CHN2: variants seen among roughly 807,000 people sequenced by gnomAD.
The protein encoded by CHN2 is chimerin 2.
Under a neutral mutation model 56.3 loss-of-function variants are expected in CHN2, and 35 were observed. That is an observed-to-expected ratio of 0.62 (90% confidence interval 0.47 to 0.82). CHN2 has a LOEUF of 0.82. Among genes scored for constraint, CHN2 ranks in the 40% least tolerant of loss-of-function variants. CHN2 has a pLI of 0.00. For missense variants in CHN2, 491 were observed against 580.5 expected, an observed-to-expected ratio of 0.85 and a Z score of 1.58; for synonymous variants, 210 against 212.8, an observed-to-expected ratio of 0.99 and a Z score of 0.12.
chr7:29,357,539 T>C (rs1432941450), intron 2 of CHN2, among the ~76,000 whole-genome samples: 2 of 152,226 alleles, frequency 1.3e-5, no homozygotes, highest in Non-Finnish European at 2.9e-5. Flanking sequence ...GAATAAGTGT[T>C]AGAAATCAAC....
At position 29,478,965 on chromosome 7, in the gene CHN2, G is replaced by A. The variant is rs150835015; in HGVS notation, c.577-1314G>A. Among the ~76,000 whole-genome samples the A allele has an allele frequency of 4.6e-3, 706 of 152,302 alleles. 5 individuals are homozygous for A. The highest frequency in any genetic ancestry group is 0.016 in the African/African-American group (678 of 41,564). On this transcript the variant is annotated intron_variant, in intron 6 of 12. Transcript: ENST00000222792. ...GTTACTCTTCACAAGGCTGCTTGGA[G>A]GGACTGCAGCATGGGGCCCTTGTTT... is the stretch of plus-strand genomic sequence containing the variant.
At chr7:29,349,288 G>A (rs1302782961) in intron 1 of CHN2, among the ~76,000 whole-genome samples, 1 of 152,018 alleles carries the variant, frequency 6.6e-6, no homozygotes, top group Non-Finnish European at 1.5e-5. Flanking sequence ...GTGATTTTTT[G>A]TTTACAGATT....
At chr7:29,417,713 A>G (rs867571741) in intron 6 of CHN2, among the ~76,000 whole-genome samples, 1 of 152,206 alleles carries the variant, frequency 6.6e-6, no homozygotes, top group South Asian at 2.1e-4. Flanking sequence ...TGGTAAGAAT[A>G]ACACAGTTTG....
At position 29,263,545 on chromosome 7, in the gene CHN2, G is replaced by A. The variant is rs1010130441; in HGVS notation, c.49+68555G>A. 3.3e-5 allele frequency among the ~76,000 whole-genome samples: 5 copies of A among 151,510 alleles called. No homozygotes were observed. The East Asian group carries it at 9.7e-4, about 30-fold the overall frequency. The stretch of plus-strand genomic sequence containing the variant: ...GGCCGCCCAGTCCGGGAAGTGAGGA[G>A]CGCCTCTTTCCAGCCGCCACCCTGT... On this transcript the variant is annotated intron_variant, in intron 1 of 12. Coordinates refer to ENST00000222792, the MANE Select transcript of CHN2 (RefSeq NM_004067.4).
intron 6 of CHN2, among the ~76,000 whole-genome samples, chr7:29,449,377 T>G (rs1784245810): frequency 6.6e-6 from 1 of 152,188 alleles, no homozygotes; most frequent in South Asian, 2.1e-4. Context: ...GGTGGGAGAC[T>G]AATAAGTCAG....
rs541654867 is a variant in CHN2, at chr7:29,448,727, CCTT to C, written c.577-31549_577-31547del. Among the ~76,000 whole-genome samples, 514 of 152,314 alleles carry C rather than the reference CCTT, an allele frequency of 3.4e-3. 3 individuals are homozygous for C. The highest frequency in any genetic ancestry group is 0.012 in the African/African-American group (493 of 41,564). On this transcript the variant is annotated intron_variant, in intron 6 of 12. Transcript: ENST00000222792. ...GCTTTTTCTCACTGTTTGGCTATCT[CCTT>C]CTCATCCTTAAGGTCTCAGAGGAGT... is the stretch of plus-strand genomic sequence containing the variant.
chr7:29,413,236 A>T (rs907416973), intron 6 of CHN2, among the ~76,000 whole-genome samples: 3 of 152,216 alleles, frequency 2.0e-5, no homozygotes, highest in Non-Finnish European at 2.9e-5. Flanking sequence ...AAGTTTACAC[A>T]TGCAACTTTG....
At position 29,362,462 on chromosome 7, in the gene CHN2, A is replaced by G. The variant is rs140301711; in HGVS notation, c.89-5470A>G. Among the ~76,000 whole-genome samples the G allele has an allele frequency of 2.4e-3, 373 of 152,318 alleles. 1 individual carries two copies. Among genetic ancestry groups the G allele is most frequent in the African/African-American group, 8.3e-3 (347 of 41,572 alleles). On this transcript the variant is annotated intron_variant, in intron 2 of 12. Transcript: ENST00000222792. ...CTGAATAACCTTATCCCTATTACCA[A>G]TATTTTAAAACAGAGTAGATCATGG...
At chr7:29,225,551 A>C (rs1017504279) in intron 1 of CHN2, among the ~76,000 whole-genome samples, 1 of 152,126 alleles carries the variant, frequency 6.6e-6, no homozygotes, top group Non-Finnish European at 1.5e-5. Flanking sequence ...TTATCTCCAA[A>C]TATTTGTTTT....
chr7:29,197,971 G>A, intron 1 of CHN2: 1 of 456,324 alleles, frequency 2.2e-6, no homozygotes, highest in Non-Finnish European at 4.4e-6. Flanking sequence ...CTTAGGTAAA[G>A]GCCTGGAGAT....
chr7:29,317,403 T>C (rs1795033355), intron 1 of CHN2, among the ~76,000 whole-genome samples: 1 of 152,200 alleles, frequency 6.6e-6, no homozygotes, highest in Non-Finnish European at 1.5e-5. Flanking sequence ...GACCGAAGGA[T>C]ATTTCCCAGA....
rs75984194 is a variant in CHN2, at chr7:29,345,160, G to A, written c.50-9465G>A. On this transcript the variant is annotated intron_variant, in intron 1 of 12. Transcript: ENST00000222792. ...AACATCTTCTCTACACACAGGTGCT[G>A]TCTAATTGCCAAGCTGTACACCTGC... Among the ~76,000 whole-genome samples the A allele has an allele frequency of 5.0e-3, 755 of 152,272 alleles. 18 individuals carry two copies. Among genetic ancestry groups the A allele is most frequent in the East Asian group, 0.036 (184 of 5,168 alleles).
intron 1 of CHN2, among the ~76,000 whole-genome samples, chr7:29,287,076 A>C (rs1398373820): frequency 2.0e-5 from 3 of 152,092 alleles, no homozygotes; most frequent in African/African-American, 7.2e-5. Context: ...TTTCTGGTGG[A>C]GTCCCCTCTA....
At chr7:29,297,068 T>C (rs1365200583) in intron 1 of CHN2, among the ~76,000 whole-genome samples, 2 of 152,096 alleles carry the variant, frequency 1.3e-5, no homozygotes, top group Admixed American at 6.5e-5. Context: ...GACCATGAAA[T>C]ATTAGGCTCA....
At chr7:29,358,320 C>T (rs1196622296) in intron 2 of CHN2, among the ~76,000 whole-genome samples, 2 of 152,034 alleles carry the variant, frequency 1.3e-5, no homozygotes, top group Admixed American at 1.3e-4. Context: ...ATCACTTGAG[C>T]CCAGGAGTTT....
At chr7:29,294,328 G>T (rs189770843) in intron 1 of CHN2, among the ~76,000 whole-genome samples, 192 of 152,246 alleles carry the variant, frequency 1.3e-3, no homozygotes, top group Admixed American at 2.2e-3. Context: ...GGGAGTCTTT[G>T]TACAGGGATT....
At chr7:29,260,166 G>A (rs1284142416) in intron 1 of CHN2, among the ~76,000 whole-genome samples, 1 of 151,868 alleles carries the variant, frequency 6.6e-6, no homozygotes, top group Non-Finnish European at 1.5e-5. Context: ...TTGTAGAGAC[G>A]GGGTTTCACC....
At chr7:29,304,146 A>T (rs1251015067) in intron 1 of CHN2, among the ~76,000 whole-genome samples, 1 of 152,194 alleles carries the variant, frequency 6.6e-6, no homozygotes, top group Middle Eastern at 3.2e-3. Flanking sequence ...AATGAAAAAC[A>T]CACAAAAAGC....
intron 6 of CHN2, among the ~76,000 whole-genome samples, chr7:29,417,358 CAG>C (rs1449439543): frequency 1.7e-5 from 2 of 120,878 alleles, no homozygotes; most frequent in Admixed American, 1.0e-4. Flanking sequence ...TTTTTTAAGA[CAG>C]AGTCTCGCTC....
Sources: gnomAD v4.1 joint callset for allele counts (sites outside exome capture counted in the v4.1 genomes callset) on GRCh38, gnomAD v4.1.1 for gene constraint, MANE v1.5 for transcripts, NCBI Gene and HGNC (gene_info 2026-07-23, HGNC 2026-07-21) for gene names.